INSYN2B: variants seen among roughly 807,000 people sequenced by gnomAD.
INSYN2B encodes protein INSYN2B.
Under a neutral mutation model 41.2 loss-of-function variants are expected in INSYN2B, and 16 were observed. That is an observed-to-expected ratio of 0.39 (90% CI 0.26 to 0.59). INSYN2B has a LOEUF of 0.59. Ranked by LOEUF, INSYN2B falls within the 20% of genes least tolerant of loss-of-function variation. The pLI, the probability that INSYN2B is intolerant of heterozygous loss-of-function variation, is 0.57. For missense variants in INSYN2B, 608 were observed against 646.4 expected (o/e 0.94, Z 0.64); for synonymous variants, 245 against 244.4 (o/e 1.00, Z -0.02).
intron 2 of INSYN2B, among the ~76,000 whole-genome samples, chr5:169,881,816 G>A (rs1772671951): frequency 6.6e-6 from 1 of 152,134 alleles, no homozygotes; most frequent in Non-Finnish European, 1.5e-5. Context: ...GATTCATACA[G>A]CAAACAGCAG....
At chr5:169,899,229 A>T (rs1469836410) in intron 1 of INSYN2B, among the ~76,000 whole-genome samples, 1 of 152,216 alleles carries the variant, frequency 6.6e-6, no homozygotes, top group Non-Finnish European at 1.5e-5. Context: ...ATTGAACCAC[A>T]GCCTCCTTTT....
At chr5:169,888,660 A>G (rs1488783216) in intron 1 of INSYN2B, among the ~76,000 whole-genome samples, 1 of 152,214 alleles carries the variant, frequency 6.6e-6, no homozygotes, top group Non-Finnish European at 1.5e-5. Flanking sequence ...CTTAAGATCT[A>G]CGTAGATGAG....
chr5:169,949,274 CCTGTT>C (rs1776565392), intron 1 of INSYN2B, among the ~76,000 whole-genome samples: 2 of 152,200 alleles, frequency 1.3e-5, no homozygotes, highest in South Asian at 4.1e-4. Context: ...TCCTTGCCCT[CCTGTT>C]CTTTACTTCC....
chr5:169,935,500 C>T (rs1775946465), intron 1 of INSYN2B, among the ~76,000 whole-genome samples: 1 of 152,184 alleles, frequency 6.6e-6, no homozygotes. Context: ...AAACCACTGC[C>T]ACCTCTGGAC....
intron 1 of INSYN2B, among the ~76,000 whole-genome samples, chr5:169,977,642 T>G (rs115856451): frequency 2.4e-3 from 372 of 152,318 alleles, no homozygotes; most frequent in African/African-American, 8.8e-3. Flanking sequence ...ACTCTCATGC[T>G]TGCATCCTGG....
chr5:169,955,480 G>GT (rs1329420961), intron 1 of INSYN2B, among the ~76,000 whole-genome samples: 1 of 152,222 alleles, frequency 6.6e-6, no homozygotes. Flanking sequence ...TCCAAGGCCA[G>GT]TTTGCGGCTT....
chr5:169,958,121 C>A (rs1776939955), intron 1 of INSYN2B, among the ~76,000 whole-genome samples: 1 of 152,098 alleles, frequency 6.6e-6, no homozygotes, highest in South Asian at 2.1e-4. Flanking sequence ...CGTCCACATG[C>A]ACATAGAAGG....
chr5:169,876,744 T>C (rs1451210448), intron 3 of INSYN2B, among the ~76,000 whole-genome samples: 1 of 152,252 alleles, frequency 6.6e-6, no homozygotes, highest in African/African-American at 2.4e-5. Context: ...GAATATTTGC[T>C]TAATCCTTCA....
At chr5:169,956,988 C>G (rs1304569428) in intron 1 of INSYN2B, among the ~76,000 whole-genome samples, 5 of 151,974 alleles carry the variant, frequency 3.3e-5, no homozygotes, top group Admixed American at 1.3e-4. Context: ...GGCAAAACCA[C>G]AGGAGCAATA....
At chr5:169,877,670 G>A (rs1193432291) in intron 3 of INSYN2B, among the ~76,000 whole-genome samples, 2 of 152,186 alleles carry the variant, frequency 1.3e-5, no homozygotes, top group African/African-American at 4.8e-5. Context: ...TAGATAGATA[G>A]ATAGATTGAT....
intron 3 of INSYN2B, among the ~76,000 whole-genome samples, chr5:169,865,385 T>C (rs1260410072): frequency 6.6e-6 from 1 of 152,172 alleles, no homozygotes; most frequent in Non-Finnish European, 1.5e-5. Flanking sequence ...CTGTGACCTC[T>C]GCATGTCTGG....
chr5:169,897,660 A>G (rs565190331), intron 1 of INSYN2B, among the ~76,000 whole-genome samples: 8 of 152,322 alleles, frequency 5.3e-5, no homozygotes, highest in Admixed American at 2.0e-4. Flanking sequence ...TTTCAGCTAA[A>G]GACAGAAGTT....
intron 1 of INSYN2B, among the ~76,000 whole-genome samples, chr5:169,938,866 C>T (rs1581446118): frequency 6.6e-6 from 1 of 151,904 alleles, no homozygotes; most frequent in Admixed American, 6.6e-5. Flanking sequence ...TTTCTTTCTT[C>T]ATATCCTTAT....
rs75120304 is a variant in INSYN2B, at chr5:169,867,696, T to C, written c.1422-3237A>G. On this transcript the variant is annotated intron_variant, in intron 3 of 3. Coordinates refer to ENST00000377365, the MANE Select transcript of INSYN2B (RefSeq NM_001129891.3). ...CTATCTATTGATCCCCCCACACACA[T>C]AGATCGCACACATACACACATATAT... Among the ~76,000 whole-genome samples the C allele has an allele frequency of 5.2e-3, 788 of 152,208 alleles. 7 individuals are homozygous for C. Among genetic ancestry groups the C allele is most frequent in the African/African-American group, 0.017 (707 of 41,534 alleles).
intron 1 of INSYN2B, among the ~76,000 whole-genome samples, chr5:169,903,046 T>C (rs558676670): frequency 5.3e-5 from 8 of 151,536 alleles, no homozygotes; most frequent in Middle Eastern, 3.4e-3. Context: ...TGCAGTGAGC[T>C]GAGATCACGC....
At chr5:169,957,375 C>G (rs1047282376) in intron 1 of INSYN2B, among the ~76,000 whole-genome samples, 5 of 152,240 alleles carry the variant, frequency 3.3e-5, no homozygotes, top group African/African-American at 4.8e-5. Context: ...AGACAAAGTA[C>G]TTAGCACATT....
At chr5:169,899,580 G>A (rs2113572680) in intron 1 of INSYN2B, among the ~76,000 whole-genome samples, 1 of 152,312 alleles carries the variant, frequency 6.6e-6, no homozygotes, top group South Asian at 2.1e-4. Context: ...AGCTGCTTGG[G>A]CACTCAGGTT....
At chr5:169,935,794 T>C (rs985289734) in intron 1 of INSYN2B, among the ~76,000 whole-genome samples, 1 of 152,146 alleles carries the variant, frequency 6.6e-6, no homozygotes, top group Non-Finnish European at 1.5e-5. Flanking sequence ...TGTAAAAATA[T>C]AAAAAATCAG....
intron 1 of INSYN2B, among the ~76,000 whole-genome samples, chr5:169,925,397 T>C (rs1775384909): frequency 6.6e-6 from 1 of 151,960 alleles, no homozygotes; most frequent in Admixed American, 6.6e-5. Context: ...CTGGCCAACA[T>C]GGTGAAACCC....
Sources: allele counts gnomAD v4.1 joint callset (sites outside exome capture counted in the v4.1 genomes callset), GRCh38; gene constraint gnomAD v4.1.1; transcripts MANE v1.5; gene names NCBI Gene and HGNC (gene_info 2026-07-23, HGNC 2026-07-21).